SAFB: variants seen among roughly 807,000 people sequenced by gnomAD.
The protein encoded by SAFB is scaffold attachment factor B, also known as scaffold attachment factor B1.
SAFB carries 15 observed loss-of-function variants against 101.6 expected under a neutral mutation model. The observed-to-expected ratio is 0.15, with a 90% CI of 0.10 to 0.23. The LOEUF (loss-of-function observed/expected upper bound fraction) is 0.23. Among genes scored for constraint, SAFB ranks in the 10% least tolerant of loss-of-function variants. SAFB has a pLI of 1.00. For missense variants in SAFB, 930 were observed against 1,104.1 expected, an observed-to-expected ratio of 0.84 and a Z score of 2.23; for synonymous variants, 449 against 407.5, an observed-to-expected ratio of 1.10 and a Z score of -1.23.
Position 5,654,042 on chromosome 19 carries a change from A to G in SAFB, c.1527-19A>G, listed in dbSNP as rs1346080819. On this transcript the variant is annotated intron_variant, in intron 11 of 20. Transcript: ENST00000588852. ...AGGCATGAGCCACCACGCCCAGCCA[A>G]CATGTCTGTTTTTTATAGATCTACA... The G allele has an allele frequency of 6.2e-7, 1 of 1,613,374 alleles. No homozygotes were observed. The highest frequency in any genetic ancestry group is 2.2e-5 in the East Asian group (1 of 44,878).
intron 14 of SAFB, 59 bp from the exon 15 acceptor site, chr19:5,661,459 A>C: frequency 6.3e-7 from 1 of 1,592,096 alleles, no homozygotes; most frequent in Middle Eastern, 1.9e-4. Flanking sequence ...ACTTAAAGTC[A>C]GCCCTGGGAC....
At position 5,664,106 on chromosome 19, in the gene SAFB, C is replaced by G. The variant is rs1338251863; in HGVS notation, c.2238C>G (p.Phe746Leu). The G allele has an allele frequency of 1.9e-6, 3 of 1,614,080 alleles. No individual in the cohort carries two copies. Among genetic ancestry groups the G allele is most frequent in the Admixed American group, 1.7e-5 (1 of 60,018 alleles). ...CTGACTTTAACCGCCAGGACCGCTTCCACGACTTTGACCACAGGGACCGCG... is the reference window on the plus strand; with the variant it reads ...CTGACTTTAACCGCCAGGACCGCTTGCACGACTTTGACCACAGGGACCGCG... ...YHSDFNRQDR[F>L]HDFDHRDRGR... The change falls in exon 16 of 21, where the codon TTC (phenylalanine) becomes TTG (leucine). Residue 746 changes from phenylalanine to leucine, a missense_variant. Phe to Leu is a conservative substitution (Grantham distance 22). Coordinates refer to ENST00000588852, the MANE Select transcript of SAFB (RefSeq NM_001201338.2).
At chr19:5,653,523 G>T in intron 11 of SAFB, 103 bp downstream of exon 11, 2 of 996,958 alleles carry the variant, frequency 2.0e-6, no homozygotes. Flanking sequence ...CTGGAGTGCA[G>T]TGGTGTGATC....
intron 15 of SAFB, 69 bp from the exon 16 acceptor site, chr19:5,663,953 C>T (rs2054272218): frequency 5.2e-6 from 8 of 1,534,392 alleles, no homozygotes; most frequent in Non-Finnish European, 7.1e-6. Context: ...TAGGGGCCAG[C>T]TCCCACAAAG....
At chr19:5,654,515 G>A in intron 13 of SAFB, 59 bp downstream of exon 13, 2 of 1,008,578 alleles carry the variant, frequency 2.0e-6, no homozygotes, top group South Asian at 1.3e-5. Flanking sequence ...GTATTTCTGT[G>A]TGCGTCTTAG....
At chr19:5,642,768 TCTC>T (rs1418378787) in intron 4 of SAFB, among the ~76,000 whole-genome samples, 4 of 146,706 alleles carry the variant, frequency 2.7e-5, no homozygotes, top group Admixed American at 1.4e-4. Flanking sequence ...GTTCAAGTGA[TCTC>T]CTCCCTCAGC....
chr19:5,624,573 C>T (rs1056366704), intron 1 of SAFB, among the ~76,000 whole-genome samples: 1 of 152,086 alleles, frequency 6.6e-6, no homozygotes, highest in African/African-American at 2.4e-5. Context: ...CGCCTGGCCG[C>T]CCACCCCCCA....
At chr19:5,638,238 T>C (rs2053633501) in intron 2 of SAFB, among the ~76,000 whole-genome samples, 3 of 152,218 alleles carry the variant, frequency 2.0e-5, no homozygotes, top group African/African-American at 7.2e-5. Flanking sequence ...CTTAGCATTG[T>C]TGGCTGACAG....
At position 5,664,400 on chromosome 19, in the gene SAFB, A is replaced by G. The variant is rs148867490; in HGVS notation, c.2295A>G (p.Arg765=). 2 of 1,613,226 alleles carry G rather than the reference A, an allele frequency of 1.2e-6. No individual in the cohort carries two copies. Among genetic ancestry groups the G allele is most frequent in the South Asian group, 1.1e-5 (1 of 91,064 alleles). The change falls in exon 17 of 21, where the codon AGA becomes AGG. Residue 765 remains arginine, a synonymous_variant. Coordinates refer to ENST00000588852, the MANE Select transcript of SAFB (RefSeq NM_001201338.2). ...TTGATTTAAATTGCCTTTTCAGGAGAGAAGGTTCAAGGTCAATGATGGGAG... is the reference window on the plus strand; with the variant it reads ...TTGATTTAAATTGCCTTTTCAGGAGGGAAGGTTCAAGGTCAATGATGGGAG... The part of the protein sequence containing the change: ...GRYPDHSVDR[R]EGSRSMMGER...
intron 11 of SAFB, among the ~76,000 whole-genome samples, 164 bp downstream of exon 11, chr19:5,653,584 G>T (rs1045042657): frequency 6.6e-6 from 1 of 152,128 alleles, no homozygotes; most frequent in Non-Finnish European, 1.5e-5. Context: ...TCCTGCCTCA[G>T]CCTCCTGAGT....
chr19:5,634,805 G>GA (rs769613809), intron 2 of SAFB, among the ~76,000 whole-genome samples: 10 of 152,092 alleles, frequency 6.6e-5, no homozygotes, highest in Non-Finnish European at 1.2e-4. Context: ...AGCAAATTTT[G>GA]AAATGACATA....
intron 14 of SAFB, 72 bp from the exon 15 acceptor site, chr19:5,661,446 C>T (rs746775974): frequency 6.3e-7 from 1 of 1,582,190 alleles, no homozygotes; most frequent in Non-Finnish European, 8.6e-7. Context: ...GACCCAGCGT[C>T]TTACTTAAAG....
intron 13 of SAFB, among the ~76,000 whole-genome samples, chr19:5,655,777 A>G (rs1257649305): frequency 6.6e-6 from 1 of 152,214 alleles, no homozygotes; most frequent in African/African-American, 2.4e-5. Context: ...ACACCTTTGG[A>G]AAACGGAAAA....
At chr19:5,653,037 C>G in intron 9 of SAFB, 78 bp from the exon 10 acceptor site, 2 of 1,465,678 alleles carry the variant, frequency 1.4e-6, no homozygotes, top group South Asian at 2.4e-5. Context: ...GAGCAGACTT[C>G]CCTGTGGGGT....
chr19:5,651,623 T>C (rs983708737), intron 9 of SAFB, among the ~76,000 whole-genome samples: 4 of 152,148 alleles, frequency 2.6e-5, no homozygotes, highest in Admixed American at 2.6e-4. Context: ...CCTGAGCCCG[T>C]GAAGGTGGGG....
intron 2 of SAFB, among the ~76,000 whole-genome samples, chr19:5,639,692 C>CAAA (rs200168940): frequency 1.1e-5 from 1 of 91,006 alleles, no homozygotes; most frequent in African/African-American, 4.8e-5. Flanking sequence ...GACTCCGTCC[C>CAAA]AAAAAAAAAA....
intron 9 of SAFB, among the ~76,000 whole-genome samples, chr19:5,651,509 C>T (rs928534852): frequency 2.0e-5 from 3 of 152,182 alleles, no homozygotes; most frequent in African/African-American, 7.2e-5. Flanking sequence ...GTCTTGGGTC[C>T]ATTGACTGAA....
Position 5,657,320 on chromosome 19 carries a change from G to A in SAFB, c.1835G>A (p.Arg612Gln), listed in dbSNP as rs750866144. 2.5e-6 allele frequency: 4 copies of A among 1,613,132 alleles called. No individual in the cohort carries two copies. The highest frequency in any genetic ancestry group is 1.3e-5 in the African/African-American group (1 of 74,850). Reference sequence around the variant, plus strand: ...TCCTTTGATAAGGTCAAGGAGCCTCGGAAGTCAAGAGACTCAGAGTCCCAT... The same window carrying A: ...TCCTTTGATAAGGTCAAGGAGCCTCAGAAGTCAAGAGACTCAGAGTCCCAT... ...VVSFDKVKEP[R>Q]KSRDSESHSR... The change falls in exon 14 of 21, where the codon CGG becomes CAG. Residue 612 changes from arginine to glutamine, a missense_variant. Physicochemically the swap from Arg to Gln is conservative, Grantham distance 43 (BLOSUM62 1). Coordinates refer to ENST00000588852, the MANE Select transcript of SAFB (RefSeq NM_001201338.2).
intron 2 of SAFB, among the ~76,000 whole-genome samples, chr19:5,630,028 T>G (rs1377854097): frequency 6.6e-6 from 1 of 151,926 alleles, no homozygotes; most frequent in Non-Finnish European, 1.5e-5. Flanking sequence ...GGCGACAGAG[T>G]GAGGCTGTCT....
Sources: gnomAD v4.1 joint callset for allele counts (sites outside exome capture counted in the v4.1 genomes callset) on GRCh38, gnomAD v4.1.1 for gene constraint, MANE v1.5 for transcripts, NCBI Gene and HGNC (gene_info 2026-07-23, HGNC 2026-07-21) for gene names.